RGS9: variants seen among roughly 807,000 people sequenced by gnomAD.
RGS9 encodes the protein regulator of G-protein signalling 9.
RGS9 carries 78 observed loss-of-function variants against 102.0 expected under a neutral mutation model. That is an observed-to-expected ratio of 0.76 (90% CI 0.64 to 0.92). The LOEUF (loss-of-function observed/expected upper bound fraction) is 0.92, where lower values mean the gene tolerates loss of function less well. RGS9 is among the 40% of genes least tolerant of loss of function. RGS9 has a pLI of 0.00. For synonymous variants in RGS9, 353 were observed against 318.6 expected (o/e 1.11, Z -1.15); for missense variants, 833 against 866.1 (o/e 0.96, Z 0.48).
rs186222403 is a variant in RGS9, at chr17:65,225,056, A to C, written c.1462A>C (p.Met488Leu). Residue 488 changes from methionine to leucine, a missense_variant, in exon 18 of 19, where the codon ATG becomes CTG. Around this residue, in one of 3 missense-constraint regions of RGS9, gnomAD observed 320 missense variants for 276.8 expected, o/e 1.16. Transcript: ENST00000262406. Reference protein sequence around the residue: ...PHLTVYTGTCMPPSPSSPFSS... With the variant: ...PHLTVYTGTCLPPSPSSPFSS... ...TCTGACCGTGTACACCGGGACCTGC[A>C]TGCCCCCGTCTCCTTCTAGCCCCTT... 1 of 1,613,784 alleles carries C rather than the reference A, an allele frequency of 6.2e-7. No individual in the cohort carries two copies. Among genetic ancestry groups the C allele is most frequent in the Non-Finnish European group, 8.5e-7 (1 of 1,179,958 alleles).
At chr17:65,146,957 A>G (rs1032721641) in intron 1 of RGS9, among the ~76,000 whole-genome samples, 1 of 152,158 alleles carries the variant, frequency 6.6e-6, no homozygotes, top group African/African-American at 2.4e-5. Context: ...GGTCACAGTT[A>G]GTGGAGAACT....
chr17:65,224,966 A>G (rs763255312), intron 17 of RGS9, 36 bp from the exon 18 acceptor site: 4 of 1,611,160 alleles, frequency 2.5e-6, no homozygotes, highest in Non-Finnish European at 8.5e-7. Flanking sequence ...GGGCCATGCA[A>G]CTCACCACTG....
intron 9 of RGS9, among the ~76,000 whole-genome samples, chr17:65,182,227 G>A (rs924769735): frequency 2.0e-5 from 3 of 152,196 alleles, no homozygotes; most frequent in African/African-American, 4.8e-5. Context: ...ATATGCTCCC[G>A]CCAATAGGGG....
chr17:65,140,589 G>A (rs576750519), intron 1 of RGS9, among the ~76,000 whole-genome samples: 12 of 152,260 alleles, frequency 7.9e-5, no homozygotes, highest in African/African-American at 2.9e-4. Flanking sequence ...GAAGATCACT[G>A]GTGGGCCAGT....
At chr17:65,154,487 T>C (rs1910697585) in intron 2 of RGS9, among the ~76,000 whole-genome samples, 1 of 152,164 alleles carries the variant, frequency 6.6e-6, no homozygotes, top group South Asian at 2.1e-4. Context: ...GTTTTGTTGT[T>C]TTGTTTGCTT....
At chr17:65,158,041 G>T (rs943378352) in intron 2 of RGS9, among the ~76,000 whole-genome samples, 20 of 152,158 alleles carry the variant, frequency 1.3e-4, no homozygotes, top group African/African-American at 4.8e-4. Context: ...TGAAGCGTGT[G>T]TGTATGTATG....
Position 65,212,675 on chromosome 17 carries a change from A to C in RGS9, c.1407+2070A>C, listed in dbSNP as rs182446967. On this transcript the variant is annotated intron_variant, in intron 17 of 18. Coordinates refer to ENST00000262406, the MANE Select transcript of RGS9 (RefSeq NM_003835.4). ...TAAGGAGTCTGTGGTCACTGGTTTC[A>C]TGTTAGCAAAATGATTCTAGCCCAG... Among the ~76,000 whole-genome samples, 268 of 152,326 alleles carry C rather than the reference A, an allele frequency of 1.8e-3. 1 individual carries two copies. Among genetic ancestry groups the C allele is most frequent in the African/African-American group, 6.4e-3 (266 of 41,552 alleles).
At chr17:65,201,841 A>G in intron 13 of RGS9, 152 bp from the exon 14 acceptor site, 1 of 652,084 alleles carries the variant, frequency 1.5e-6, no homozygotes, top group Middle Eastern at 2.6e-4. Context: ...CTAGCATCAC[A>G]ATGTGCAATA....
chr17:65,221,013 C>G (rs920785906), intron 17 of RGS9, among the ~76,000 whole-genome samples: 1 of 152,158 alleles, frequency 6.6e-6, no homozygotes, highest in Non-Finnish European at 1.5e-5. Flanking sequence ...GGCTGGGTCT[C>G]CAAGCAGAGC....
At chr17:65,220,817 G>A (rs1913681765) in intron 17 of RGS9, among the ~76,000 whole-genome samples, 1 of 152,150 alleles carries the variant, frequency 6.6e-6, no homozygotes, top group Non-Finnish European at 1.5e-5. Flanking sequence ...TAACATACCT[G>A]TTTCATTTCA....
chr17:65,201,874 T>G (rs1598611680), intron 13 of RGS9, 119 bp from the exon 14 acceptor site: 44 of 714,314 alleles, frequency 6.2e-5, no homozygotes, highest in East Asian at 2.5e-4. Context: ...GCAGGAAAGG[T>G]GTTCACTGAG....
intron 15 of RGS9, among the ~76,000 whole-genome samples, chr17:65,205,610 G>T (rs550039522): frequency 1.3e-5 from 2 of 151,660 alleles, no homozygotes; most frequent in African/African-American, 4.8e-5. Context: ...TAGGTTATAT[G>T]ATATAGGTTA....
At position 65,225,170 on chromosome 17, in the gene RGS9, A is replaced by T. The variant is rs1229842214; in HGVS notation, c.1576A>T (p.Ile526Phe). 1 of 1,613,332 alleles carries T rather than the reference A, an allele frequency of 6.2e-7. No homozygotes were observed. Among genetic ancestry groups the T allele is most frequent in the African/African-American group, 1.3e-5 (1 of 74,872 alleles). ...RPSTTICPSPIRVALESSSGL... is the reference protein window; with the variant it reads ...RPSTTICPSPFRVALESSSGL... ...CAGCACCACCATCTGCCCCTCACCC[A>T]TCAGAGTGGCCTTGGAGAGCTCATC... is the stretch of plus-strand genomic sequence containing the variant. Residue 526 changes from isoleucine to phenylalanine, a missense_variant, in exon 18 of 19, where the codon ATC (isoleucine) becomes TTC (phenylalanine). Physicochemically the swap from Ile to Phe is conservative, Grantham distance 21. Coordinates refer to ENST00000262406, the MANE Select transcript of RGS9 (RefSeq NM_003835.4).
In RGS9 at chr17:65,210,484, C is replaced by T; in HGVS notation, c.1290-4C>T. 1 of 1,613,034 alleles carries T rather than the reference C, an allele frequency of 6.2e-7. No individual in the cohort carries two copies. Among genetic ancestry groups the T allele is most frequent in the South Asian group, 1.1e-5 (1 of 91,018 alleles). ...TCCAACCACCAATCTGTCCTTCCTT[C>T]CAGCTCCACCCTCCCTTTTATGCGG... On this transcript the variant is annotated splice_region_variant and splice_polypyrimidine_tract_variant and intron_variant, in intron 16 of 18. Transcript: ENST00000262406.
At chr17:65,205,024 T>TTG (rs1262646228) in intron 15 of RGS9, among the ~76,000 whole-genome samples, 7 of 151,940 alleles carry the variant, frequency 4.6e-5, no homozygotes, top group Non-Finnish European at 8.8e-5. Flanking sequence ...AGAGACAAAT[T>TTG]TGTGTGTGTG....
intron 6 of RGS9, among the ~76,000 whole-genome samples, chr17:65,161,541 C>T (rs563672277): frequency 5.9e-5 from 9 of 152,078 alleles, no homozygotes; most frequent in African/African-American, 1.9e-4. Context: ...TGTGAGCCAT[C>T]GTGCCTGGCC....
At chr17:65,217,459 G>T (rs1276030191) in intron 17 of RGS9, among the ~76,000 whole-genome samples, 1 of 152,224 alleles carries the variant, frequency 6.6e-6, no homozygotes, top group Non-Finnish European at 1.5e-5. Flanking sequence ...GAGGCCACTG[G>T]ATTTAGCAGT....
At chr17:65,162,508 C>T (rs566785619) in intron 6 of RGS9, among the ~76,000 whole-genome samples, 1 of 152,120 alleles carries the variant, frequency 6.6e-6, no homozygotes, top group South Asian at 2.1e-4. Flanking sequence ...TGTCACCCAG[C>T]CTGGAGTGCA....
At chr17:65,215,667 T>C (rs1913500115) in intron 17 of RGS9, among the ~76,000 whole-genome samples, 1 of 151,956 alleles carries the variant, frequency 6.6e-6, no homozygotes, top group African/African-American at 2.4e-5. Context: ...TTCAAGCCAT[T>C]CCCCTGCCTC....
Sources: gnomAD v4.1 joint callset for allele counts (sites outside exome capture counted in the v4.1 genomes callset) on GRCh38, gnomAD v4.1.1 for gene constraint, gnomAD v4.1.1 regional missense constraint, MANE v1.5 for transcripts, NCBI Gene and HGNC (gene_info 2026-07-23, HGNC 2026-07-21) for gene names.